The following HERC4 variants were observed in gnomAD, a reference collection of about 807,000 sequenced individuals.
The protein encoded by HERC4 is HECT and RLD domain containing E3 ubiquitin protein ligase 4.
A neutral mutation model predicts 124.3 loss-of-function variants in HERC4; 28 were observed. The observed-to-expected ratio is 0.23, with a 90% confidence interval of 0.17 to 0.31. HERC4 has a LOEUF of 0.31. Among genes scored for constraint, HERC4 ranks in the 10% least tolerant of loss-of-function variants. HERC4 has a pLI of 1.00. For synonymous variants in HERC4, 407 were observed against 421.5 expected, an observed-to-expected ratio of 0.97 and a Z score of 0.42; for missense variants, 713 against 1,229.3, an observed-to-expected ratio of 0.58 and a Z score of 6.28.
chr10:67,964,563 C>T (rs186998769), intron 16 of HERC4, among the ~76,000 whole-genome samples: 5 of 151,992 alleles, frequency 3.3e-5, no homozygotes, highest in Non-Finnish European at 5.9e-5. Context: ...CATGGATTTC[C>T]GTCTTTCATT....
In HERC4 at chr10:67,928,130, T is replaced by A. The variant is rs541645575; in HGVS notation, c.2839-2943A>T. 3.0e-4 allele frequency among the ~76,000 whole-genome samples: 46 copies of A among 152,066 alleles called. No homozygotes were observed. The South Asian group carries it at 8.9e-3, about 30-fold the overall frequency. Reference sequence around the variant, plus strand: ...GGAAACAAACGCCCTAAGACTGGAGTGTGCCTGGAGGGTTCTAGGCTCAGC... The same window carrying A: ...GGAAACAAACGCCCTAAGACTGGAGAGTGCCTGGAGGGTTCTAGGCTCAGC... On this transcript the variant is annotated intron_variant, in intron 23 of 24. Coordinates refer to ENST00000373700, the MANE Select transcript of HERC4 (RefSeq NM_015601.4).
chr10:67,937,364 AATCTC>A, intron 21 of HERC4, among the ~76,000 whole-genome samples: 1 of 152,202 alleles, frequency 6.6e-6, no homozygotes, highest in Admixed American at 6.5e-5. Context: ...GCCACTGAAA[AATCTC>A]TGAGAAAGAA....
At chr10:68,066,261 C>A (rs920275843) in intron 3 of HERC4, among the ~76,000 whole-genome samples, 1 of 152,208 alleles carries the variant, frequency 6.6e-6, no homozygotes, top group Non-Finnish European at 1.5e-5. Context: ...AACAGTGCTA[C>A]ATTTGTATGA....
chr10:68,060,412 A>AT lies in HERC4; in HGVS notation c.226+12470dup, dbSNP rs543983132. On this transcript the variant is annotated intron_variant, in intron 3 of 24. Transcript: ENST00000373700. Reference sequence around the variant, plus strand: ...ACCACCATACCCAGCTAATTTTTGTATTTTTTTTAGTAGAGATGGAGTTTC... The same window carrying AT: ...ACCACCATACCCAGCTAATTTTTGTATTTTTTTTTAGTAGAGATGGAGTTTC... 2.4e-3 allele frequency among the ~76,000 whole-genome samples: 362 copies of AT among 151,584 alleles called. 2 individuals carry two copies. The highest frequency in any genetic ancestry group is 0.01 in the Middle Eastern group (3 of 294).
chr10:68,028,148 ATTC>A (rs1203835828), intron 7 of HERC4, among the ~76,000 whole-genome samples: 4 of 151,080 alleles, frequency 2.6e-5, no homozygotes, highest in African/African-American at 9.7e-5. Context: ...ATGAGCTGGA[ATTC>A]TTCTATAAAT....
At chr10:67,979,248 A>G (rs904710969) in intron 15 of HERC4, among the ~76,000 whole-genome samples, 1 of 152,124 alleles carries the variant, frequency 6.6e-6, no homozygotes, top group East Asian at 1.9e-4. Flanking sequence ...GATAATACAG[A>G]GAAAGAATAC....
At chr10:68,019,795 T>G (rs748532987) in intron 8 of HERC4, among the ~76,000 whole-genome samples, 1 of 152,152 alleles carries the variant, frequency 6.6e-6, no homozygotes, top group Non-Finnish European at 1.5e-5. Context: ...GAAGCCAGGG[T>G]GGGCAATAAC....
chr10:67,932,538 C>G, intron 23 of HERC4, 59 bp downstream of exon 23: 1 of 1,443,428 alleles, frequency 6.9e-7, no homozygotes, highest in Non-Finnish European at 9.5e-7. Flanking sequence ...CATAAAAAGG[C>G]AAGATTTCCA....
intron 3 of HERC4, among the ~76,000 whole-genome samples, chr10:68,055,665 TTTTGTTAATA>T (rs2040511638): frequency 6.6e-6 from 1 of 152,204 alleles, no homozygotes; most frequent in Non-Finnish European, 1.5e-5. Context: ...ACCACTGTCC[TTTTGTTAATA>T]TTCAAATATA....
intron 9 of HERC4, among the ~76,000 whole-genome samples, chr10:68,005,673 CTTTT>C (rs917004730): frequency 5.6e-5 from 8 of 144,122 alleles, no homozygotes; most frequent in Non-Finnish European, 9.2e-5. Context: ...TTTTAATTTC[CTTTT>C]TTTTTTTAAT....
chr10:67,927,417 TATATATATA>T (rs1157595338), intron 23 of HERC4, among the ~76,000 whole-genome samples: 118 of 11,334 alleles, frequency 0.01, 10 homozygotes, highest in East Asian at 0.036. Flanking sequence ...TATATATATA[TATATATATA>T]TATATTTTTT....
rs181723261 is a variant in HERC4 at position 67,935,107 on chromosome 10, C to G, written c.2654+1046G>C. Among the ~76,000 whole-genome samples, 345 of 150,898 alleles carry G rather than the reference C, an allele frequency of 2.3e-3. 4 individuals are homozygous for G. The highest frequency in any genetic ancestry group is 8.0e-3 in the African/African-American group (330 of 41,120). ...TGCCATTCTTTTTGACTGTTTTGGC[C>G]TTTCCTTAAATGTCTGTTGACCTTT... On this transcript the variant is annotated intron_variant, in intron 22 of 24. Coordinates refer to ENST00000373700, the MANE Select transcript of HERC4 (RefSeq NM_015601.4).
rs1204768445 is a variant in HERC4 at position 68,025,686 on chromosome 10, G to C, written c.778-10C>G. 5.0e-6 allele frequency: 8 copies of C among 1,586,004 alleles called. 1 individual carries two copies. The highest frequency in any genetic ancestry group is 4.6e-5 in the South Asian group (4 of 87,724). ...TAAACACTCCACCTTCCTAAAAAAA[G>C]ACAAAACCCCTTATCATTAGAAGGC... On this transcript the variant is annotated splice_polypyrimidine_tract_variant and intron_variant, in intron 7 of 24. Transcript: ENST00000373700.
At chr10:68,065,961 TG>T (rs1462255346) in intron 3 of HERC4, among the ~76,000 whole-genome samples, 5 of 152,102 alleles carry the variant, frequency 3.3e-5, no homozygotes, top group Non-Finnish European at 7.3e-5. Flanking sequence ...AATTAATTAT[TG>T]CCTTTTAAAT....
intron 4 of HERC4, among the ~76,000 whole-genome samples, chr10:68,040,797 G>A (rs2039723629): frequency 2.0e-5 from 3 of 151,508 alleles, no homozygotes; most frequent in Non-Finnish European, 4.4e-5. Flanking sequence ...GCTGAGGCAG[G>A]AGAATGGCTT....
chr10:68,060,518 C>T (rs1779386066), intron 3 of HERC4, among the ~76,000 whole-genome samples: 1 of 152,128 alleles, frequency 6.6e-6, no homozygotes, highest in African/African-American at 2.4e-5. Context: ...GGAATACAGG[C>T]GTGAGCCACC....
intron 3 of HERC4, among the ~76,000 whole-genome samples, chr10:68,059,692 ATAT>A (rs1450689670): frequency 1.5e-5 from 1 of 68,546 alleles, no homozygotes; most frequent in Non-Finnish European, 2.2e-5. Context: ...ATAATATTAT[ATAT>A]TATAATATTA....
At chr10:67,958,163 T>C (rs969072083) in intron 16 of HERC4, among the ~76,000 whole-genome samples, 4 of 152,206 alleles carry the variant, frequency 2.6e-5, no homozygotes, top group African/African-American at 9.6e-5. Flanking sequence ...TTGCCCCTGC[T>C]GGGAAGTGTA....
At position 68,048,522 on chromosome 10, in the gene HERC4, G is replaced by A. The variant is rs185576765; in HGVS notation, c.227-3959C>T. On this transcript the variant is annotated intron_variant, in intron 3 of 24. Coordinates refer to ENST00000373700, the MANE Select transcript of HERC4 (RefSeq NM_015601.4). ...GGATACAGGGAGGGAGGGATGAACA[G>A]GCAGAGCATAGAGGATTTTGAGGGC... is the stretch of plus-strand genomic sequence containing the variant. 8.6e-4 allele frequency among the ~76,000 whole-genome samples: 131 copies of A among 152,266 alleles called. 1 individual carries two copies. The highest frequency in any genetic ancestry group is 2.8e-3 in the African/African-American group (116 of 41,558).
Sources: gnomAD v4.1 joint callset for allele counts (sites outside exome capture counted in the v4.1 genomes callset) on GRCh38, gnomAD v4.1.1 for gene constraint, MANE v1.5 for transcripts, NCBI Gene and HGNC (gene_info 2026-07-23, HGNC 2026-07-21) for gene names.